Variants in TCF20 observed in about 807,000 individuals in gnomAD.
The protein encoded by TCF20 is SPRE-binding protein.
TCF20 carries 3 observed loss-of-function variants against 148.6 expected under a neutral mutation model. That is an observed-to-expected ratio of 0.02 (90% CI 0.01 to 0.05). The LOEUF is 0.05. Among genes scored for constraint, TCF20 ranks in the 10% least tolerant of loss-of-function variants. The pLI is 1.00. For missense variants in TCF20, 2,350 were observed against 2,429.3 expected (o/e 0.97, Z 0.69); for synonymous variants, 1,049 against 909.5 (o/e 1.15, Z -2.76).
In TCF20 at chr22:42,268,348, T is replaced by TA. The variant is rs537935572; in HGVS notation, c.-37+1990dup. Among the ~76,000 whole-genome samples, 14 of 152,248 alleles carry TA rather than the reference T, an allele frequency of 9.2e-5. No homozygotes were observed. The East Asian group carries it at 2.3e-3, about 25-fold the overall frequency. ...CACAGCCTAAGGCCTTCACACACCATAAAATCAGTGAAACTAATTGCGGTT... is the reference window on the plus strand; with the variant it reads ...CACAGCCTAAGGCCTTCACACACCATAAAAATCAGTGAAACTAATTGCGGTT... On this transcript the variant is annotated intron_variant, in intron 1 of 5. Transcript: ENST00000677622.
chr22:42,294,253 T>C (rs1927186653), intron 1 of TCF20, among the ~76,000 whole-genome samples: 1 of 152,142 alleles, frequency 6.6e-6, no homozygotes, highest in African/African-American at 2.4e-5. Flanking sequence ...CTGCGTGCAC[T>C]ACACTGGCAG....
At chr22:42,180,851 G>A (rs951689656) in intron 2 of TCF20, among the ~76,000 whole-genome samples, 1 of 152,218 alleles carries the variant, frequency 6.6e-6, no homozygotes, top group Non-Finnish European at 1.5e-5. Flanking sequence ...GATTCTGGAT[G>A]ATCATCTCTG....
At chr22:42,199,013 A>C (rs1022110252) in intron 2 of TCF20, among the ~76,000 whole-genome samples, 4 of 152,134 alleles carry the variant, frequency 2.6e-5, no homozygotes, top group Admixed American at 1.3e-4. Context: ...AGAATGCAGA[A>C]CCCATGAATA....
chr22:42,188,293 C>CAAAAAAA (rs58945649), intron 2 of TCF20, among the ~76,000 whole-genome samples: 979 of 49,406 alleles, frequency 0.02, 234 homozygotes, highest in Non-Finnish European at 0.023. Context: ...AACTCCGTCT[C>CAAAAAAA]AAAAAAAAAA....
chr22:42,180,788 G>C (rs960697049), intron 2 of TCF20, among the ~76,000 whole-genome samples: 1 of 152,122 alleles, frequency 6.6e-6, no homozygotes. Context: ...AATGCTTCAC[G>C]TGAAACTCTT....
chr22:42,197,383 C>G (rs912894678), intron 2 of TCF20, among the ~76,000 whole-genome samples: 1 of 145,526 alleles, frequency 6.9e-6, no homozygotes, highest in Non-Finnish European at 1.5e-5. Context: ...AGGGCAGTGG[C>G]GCGATCTCGG....
Position 42,197,825 on chromosome 22 carries a change from C to T in TCF20, c.5655+11826G>A, listed in dbSNP as rs117758920. Among the ~76,000 whole-genome samples, 652 of 152,160 alleles carry T rather than the reference C, an allele frequency of 4.3e-3. 33 individuals are homozygous for T. In the East Asian group the frequency reaches 0.12, roughly 28 times the overall value. On this transcript the variant is annotated intron_variant, in intron 2 of 5. Transcript: ENST00000677622. ...AATTAACAGGGAACAACATTAATAT[C>T]ACTAATAAAATAAATGAAAAGGAAC... is the stretch of plus-strand genomic sequence containing the variant.
At position 42,212,873 on chromosome 22, in the gene TCF20, T is replaced by C. The variant is rs1569149865; in HGVS notation, c.2433A>G (p.Leu811=). Residue 811 remains leucine (L), a synonymous_variant, in exon 2 of 6, where the codon CTA becomes CTG. Coordinates refer to ENST00000677622, the MANE Select transcript of TCF20 (RefSeq NM_001378418.1). ...RGLLNKSIGS[L]LENPHWGPWE... Reference sequence around the variant, plus strand: ...AGGGGCCCCAGTGGGGATTTTCTAATAGAGACCCAATGCTTTTGTTCAGAA... The same window carrying C: ...AGGGGCCCCAGTGGGGATTTTCTAACAGAGACCCAATGCTTTTGTTCAGAA... 2 of 1,614,196 alleles carry C rather than the reference T, an allele frequency of 1.2e-6. No individual in the cohort carries two copies. Among genetic ancestry groups the C allele is most frequent in the Middle Eastern group, 1.6e-4 (1 of 6,062 alleles).
rs189484150 is a variant in TCF20 at position 42,187,526 on chromosome 22, G to C, written c.5656-7824C>G. Among the ~76,000 whole-genome samples, 9 of 152,306 alleles carry C rather than the reference G, an allele frequency of 5.9e-5. No individual in the cohort carries two copies. In the East Asian group the frequency reaches 1.5e-3, roughly 26 times the overall value. ...AGAAGTGGTACAAAACGCACAGAAA[G>C]CCTGACCCAGGTCCAAATCTCTTGA... On this transcript the variant is annotated intron_variant, in intron 2 of 5. Coordinates refer to ENST00000677622, the MANE Select transcript of TCF20 (RefSeq NM_001378418.1).
At chr22:42,245,410 G>C (rs555459953) in intron 1 of TCF20, among the ~76,000 whole-genome samples, 1 of 151,988 alleles carries the variant, frequency 6.6e-6, no homozygotes, top group Non-Finnish European at 1.5e-5. Context: ...TACTCATCTC[G>C]GCCCTGCAAA....
intron 1 of TCF20, among the ~76,000 whole-genome samples, chr22:42,257,722 AAG>A (rs1468461895): frequency 2.0e-5 from 3 of 152,208 alleles, no homozygotes; most frequent in African/African-American, 7.2e-5. Flanking sequence ...CCCAAAAGAT[AAG>A]AGAGATGATG....
At chr22:42,313,491 C>T (rs1927572810) in intron 1 of TCF20, among the ~76,000 whole-genome samples, 1 of 152,108 alleles carries the variant, frequency 6.6e-6, no homozygotes, top group Non-Finnish European at 1.5e-5. Flanking sequence ...CCTCGATCAT[C>T]TGCCAGAATG....
At chr22:42,256,556 A>G (rs1925756249) in intron 1 of TCF20, among the ~76,000 whole-genome samples, 1 of 151,992 alleles carries the variant, frequency 6.6e-6, no homozygotes, top group East Asian at 1.9e-4. Context: ...CTCCTACTGA[A>G]TATGCTAGAA....
intron 5 of TCF20, among the ~76,000 whole-genome samples, chr22:42,166,373 C>A (rs1333274043): frequency 6.6e-6 from 1 of 152,186 alleles, no homozygotes; most frequent in African/African-American, 2.4e-5. Flanking sequence ...TTTGAGAGGT[C>A]AAGGCGGGAA....
At chr22:42,209,110 C>A (rs977483759) in intron 2 of TCF20, among the ~76,000 whole-genome samples, 5 of 152,206 alleles carry the variant, frequency 3.3e-5, no homozygotes, top group Non-Finnish European at 5.9e-5. Context: ...GAATTCCACA[C>A]CTAGCCAACT....
chr22:42,295,562 G>C (rs929500545), intron 1 of TCF20, among the ~76,000 whole-genome samples: 4 of 151,220 alleles, frequency 2.6e-5, no homozygotes, highest in African/African-American at 9.7e-5. Context: ...TCCTGCCTCA[G>C]CCTCCTGAGG....
intron 1 of TCF20, chr22:42,269,878 C>G (rs1398339649): frequency 6.6e-6 from 1 of 152,284 alleles, no homozygotes; most frequent in Non-Finnish European, 1.5e-5. Flanking sequence ...CCCAGCCCCG[C>G]TGGCCTCGCC....
chr22:42,268,251 G>A (rs370266848), intron 1 of TCF20, among the ~76,000 whole-genome samples: 3 of 152,148 alleles, frequency 2.0e-5, no homozygotes, highest in East Asian at 1.9e-4. Context: ...GCTCATATCC[G>A]GCCCAGCAGC....
At chr22:42,193,319 C>T (rs1937434340) in intron 2 of TCF20, among the ~76,000 whole-genome samples, 1 of 150,012 alleles carries the variant, frequency 6.7e-6, no homozygotes, top group Non-Finnish European at 1.5e-5. Flanking sequence ...GGGTCTCGCT[C>T]TGTCACTCAT....
Sources: gnomAD v4.1 joint callset for allele counts (sites outside exome capture counted in the v4.1 genomes callset) on GRCh38, gnomAD v4.1.1 for gene constraint, MANE v1.5 for transcripts, NCBI Gene and HGNC (gene_info 2026-07-23, HGNC 2026-07-21) for gene names.